ITFG1: variants seen among roughly 807,000 people sequenced by gnomAD.
The protein encoded by ITFG1 is integrin alpha FG-GAP repeat containing 1, also known as T-cell immunomodulatory protein.
Under a neutral mutation model 81.8 loss-of-function variants are expected in ITFG1, and 34 were observed. That is an observed-to-expected ratio of 0.42 (90% CI 0.32 to 0.55). ITFG1 has a LOEUF of 0.55. ITFG1 is among the 20% of genes least tolerant of loss of function. The probability of loss-of-function intolerance (pLI) is 0.17; values close to 1 mark genes in which losing one functional copy is unlikely to be tolerated. For missense variants in ITFG1, 672 were observed against 755.4 expected (o/e 0.89, Z 1.29); for synonymous variants, 285 against 270.6 (o/e 1.05, Z -0.52).
chr16:47,180,212 T>G (rs1965088567), intron 14 of ITFG1, among the ~76,000 whole-genome samples: 1 of 152,174 alleles, frequency 6.6e-6, no homozygotes, highest in Non-Finnish European at 1.5e-5. Context: ...TAGTTTTCCT[T>G]GAAGTCTTAT....
intron 10 of ITFG1, among the ~76,000 whole-genome samples, chr16:47,302,542 C>T (rs1967092651): frequency 6.6e-6 from 1 of 152,170 alleles, no homozygotes; most frequent in South Asian, 2.1e-4. Flanking sequence ...AGCCCTTCAG[C>T]CCTATGTCCA....
intron 10 of ITFG1, among the ~76,000 whole-genome samples, chr16:47,302,375 T>C (rs1967090073): frequency 6.6e-6 from 1 of 151,870 alleles, no homozygotes; most frequent in African/African-American, 2.4e-5. Flanking sequence ...TATGACATTT[T>C]TGGTATTTTT....
At chr16:47,388,860 A>C (rs1968495278) in intron 6 of ITFG1, among the ~76,000 whole-genome samples, 1 of 152,016 alleles carries the variant, frequency 6.6e-6, no homozygotes, top group Non-Finnish European at 1.5e-5. Flanking sequence ...GTACTCCCCA[A>C]CTCCATATTC....
At chr16:47,332,113 G>A (rs1183956297) in intron 8 of ITFG1, among the ~76,000 whole-genome samples, 1 of 152,006 alleles carries the variant, frequency 6.6e-6, no homozygotes, top group Non-Finnish European at 1.5e-5. Flanking sequence ...ACAAGTAGCT[G>A]TGAACTTTTT....
At chr16:47,401,152 A>G (rs1968656860) in intron 6 of ITFG1, among the ~76,000 whole-genome samples, 1 of 152,134 alleles carries the variant, frequency 6.6e-6, no homozygotes, top group Admixed American at 6.5e-5. Flanking sequence ...TATCAGGAAG[A>G]TTTGGGAACT....
At chr16:47,209,806 G>A (rs1457742296) in intron 14 of ITFG1, among the ~76,000 whole-genome samples, 3 of 152,078 alleles carry the variant, frequency 2.0e-5, no homozygotes, top group Non-Finnish European at 2.9e-5. Context: ...GAATCATATA[G>A]TATATAAACT....
At chr16:47,157,492 A>G (rs1964730757) in intron 17 of ITFG1, 1 of 152,192 alleles carries the variant, frequency 6.6e-6, no homozygotes, top group African/African-American at 2.4e-5. Flanking sequence ...ATAAGCACGC[A>G]ATGTTTATGC....
intron 8 of ITFG1, among the ~76,000 whole-genome samples, chr16:47,316,937 G>T (rs1967369363): frequency 6.6e-6 from 1 of 152,168 alleles, no homozygotes; most frequent in African/African-American, 2.4e-5. Context: ...GAAGAACCAG[G>T]AATTTATAAC....
At chr16:47,159,067 A>T in intron 16 of ITFG1, 77 bp from the exon 17 acceptor site, 1 of 616,658 alleles carries the variant, frequency 1.6e-6, no homozygotes, top group East Asian at 3.2e-5. Flanking sequence ...ACCCCAAAGC[A>T]AAATAGCTTA....
intron 8 of ITFG1, among the ~76,000 whole-genome samples, chr16:47,328,889 T>A (rs533754459): frequency 2.6e-5 from 4 of 152,208 alleles, no homozygotes; most frequent in East Asian, 3.9e-4. Flanking sequence ...TGAAATACAA[T>A]CCTATTTTTT....
intron 10 of ITFG1, among the ~76,000 whole-genome samples, chr16:47,289,371 G>A (rs1407031397): frequency 6.6e-6 from 1 of 152,112 alleles, no homozygotes; most frequent in African/African-American, 2.4e-5. Flanking sequence ...CTTGTATAAT[G>A]AGTATGCAAG....
At chr16:47,429,831 T>C (rs1166955725) in intron 5 of ITFG1, among the ~76,000 whole-genome samples, 1 of 152,162 alleles carries the variant, frequency 6.6e-6, no homozygotes, top group Admixed American at 6.6e-5. Context: ...CATCCATCCA[T>C]CCATTTATTT....
chr16:47,403,228 C>CT (rs77676044), intron 6 of ITFG1, among the ~76,000 whole-genome samples: 207 of 139,214 alleles, frequency 1.5e-3, no homozygotes, highest in South Asian at 0.01. Context: ...GGTTACCTAC[C>CT]TTTTTTTTTT....
intron 14 of ITFG1, chr16:47,202,439 A>G (rs995927011): frequency 1.3e-5 from 2 of 151,814 alleles, no homozygotes; most frequent in African/African-American, 4.8e-5. Flanking sequence ...AAACATTAAA[A>G]CCCCTTCTCA....
chr16:47,202,687 G>T (rs907568620), intron 14 of ITFG1, among the ~76,000 whole-genome samples: 4 of 151,506 alleles, frequency 2.6e-5, no homozygotes, highest in East Asian at 1.9e-4. Context: ...CAACAAAACA[G>T]AAAAAAATGG....
rs564240152 is a variant in ITFG1 at position 47,371,877 on chromosome 16, T to C, written c.720+3999A>G. 4.0e-5 allele frequency among the ~76,000 whole-genome samples: 6 copies of C among 151,308 alleles called. No homozygotes were observed. In the East Asian group the frequency reaches 1.2e-3, roughly 29 times the overall value. ...GTGCCAACGCTGAAAAATTCTGACA[T>C]AAAGGGTGCCCAAGGATCTGGTTTT... On this transcript the variant is annotated intron_variant, in intron 7 of 17. Transcript: ENST00000320640.
intron 10 of ITFG1, among the ~76,000 whole-genome samples, chr16:47,286,545 C>T (rs1441974952): frequency 3.3e-5 from 5 of 151,586 alleles, no homozygotes; most frequent in Non-Finnish European, 5.9e-5. Context: ...GAGGCTGAGG[C>T]AGGAGAATCA....
intron 10 of ITFG1, among the ~76,000 whole-genome samples, chr16:47,302,053 T>C (rs776844135): frequency 3.3e-5 from 5 of 152,094 alleles, no homozygotes; most frequent in Admixed American, 6.5e-5. Context: ...AAAATCTTTA[T>C]GTTTCTGAGG....
chr16:47,428,885 G>A lies in ITFG1; in HGVS notation c.574C>T (p.His192Tyr). Residue 192 changes from histidine to tyrosine, a missense_variant, in exon 6 of 18, where the codon CAT becomes TAT. Around this residue, in one of 3 missense-constraint regions of ITFG1, gnomAD observed 560 missense variants for 625.7 expected, o/e 0.90. Coordinates refer to ENST00000320640, the MANE Select transcript of ITFG1 (RefSeq NM_030790.5). ...QILLGGNLSW[H>Y]PALTTTSKMR... Reference sequence around the variant, plus strand: ...TTACTTGTAGTGGTCAATGCTGGATGCCATGATAAATTCCTAAAAAATAAA... The same window carrying A: ...TTACTTGTAGTGGTCAATGCTGGATACCATGATAAATTCCTAAAAAATAAA... 1 of 1,582,462 alleles carries A rather than the reference G, an allele frequency of 6.3e-7. No homozygotes were observed. The highest frequency in any genetic ancestry group is 8.6e-7 in the Non-Finnish European group (1 of 1,160,338).
Sources: gnomAD v4.1 joint callset for allele counts (sites outside exome capture counted in the v4.1 genomes callset) on GRCh38, gnomAD v4.1.1 for gene constraint, gnomAD v4.1.1 regional missense constraint, MANE v1.5 for transcripts, NCBI Gene and HGNC (gene_info 2026-07-23, HGNC 2026-07-21) for gene names.